The following GPC6 variants were observed in gnomAD, a reference collection of about 807,000 sequenced individuals.
GPC6 encodes glypican 6.
Under a neutral mutation model 55.2 loss-of-function variants are expected in GPC6, and 14 were observed. That is an observed-to-expected ratio of 0.25 (90% CI 0.17 to 0.40). The LOEUF is 0.40. Ranked by LOEUF, GPC6 falls within the 10% of genes least tolerant of loss-of-function variation. The pLI, the probability that GPC6 is intolerant of heterozygous loss-of-function variation, is 1.00. For missense variants in GPC6, 641 were observed against 708.5 expected (o/e 0.90, Z 1.08); for synonymous variants, 278 against 259.6 (o/e 1.07, Z -0.68).
At chr13:93,794,441 C>T (rs1429142293) in intron 2 of GPC6, among the ~76,000 whole-genome samples, 1 of 152,220 alleles carries the variant, frequency 6.6e-6, no homozygotes, top group African/African-American at 2.4e-5. Context: ...ATCACACTTC[C>T]TGAACAGTGC....
At chr13:94,031,069 C>T (rs896867860) in intron 4 of GPC6, among the ~76,000 whole-genome samples, 10 of 145,960 alleles carry the variant, frequency 6.9e-5, no homozygotes, top group Admixed American at 1.4e-4. Context: ...TGTGCATGTG[C>T]GTGTGCGTGT....
intron 2 of GPC6, among the ~76,000 whole-genome samples, chr13:93,625,283 A>C (rs1297392379): frequency 6.6e-6 from 1 of 152,144 alleles, no homozygotes; most frequent in African/African-American, 2.4e-5. Flanking sequence ...TTTCCATAAA[A>C]GAGTGGAAAT....
chr13:93,842,758 T>C (rs1247116972), intron 3 of GPC6, among the ~76,000 whole-genome samples: 1 of 152,058 alleles, frequency 6.6e-6, no homozygotes, highest in East Asian at 1.9e-4. Context: ...TTTTTGTTGG[T>C]GGTAAGAAAA....
At chr13:94,028,770 T>C (rs1002602886) in intron 4 of GPC6, among the ~76,000 whole-genome samples, 1 of 152,168 alleles carries the variant, frequency 6.6e-6, no homozygotes, top group Non-Finnish European at 1.5e-5. Context: ...ATCAAGGCTC[T>C]GTTCTTGGGT....
chr13:93,393,880 T>C (rs1875746796), intron 1 of GPC6, among the ~76,000 whole-genome samples: 1 of 151,828 alleles, frequency 6.6e-6, no homozygotes. Context: ...TTTTTTTTTC[T>C]TATTCCTTCC....
chr13:94,355,965 T>G (rs551366932), intron 6 of GPC6, among the ~76,000 whole-genome samples: 14 of 152,240 alleles, frequency 9.2e-5, no homozygotes, highest in Non-Finnish European at 1.5e-4. Flanking sequence ...CAGTGTGTAT[T>G]GTTCCCCTCC....
At chr13:94,068,873 C>G (rs1884629420) in intron 4 of GPC6, among the ~76,000 whole-genome samples, 1 of 152,166 alleles carries the variant, frequency 6.6e-6, no homozygotes, top group Admixed American at 6.5e-5. Context: ...CCTCCTGGCT[C>G]CCTTCACGGG....
chr13:93,228,633 T>G (rs902283930), intron 1 of GPC6, among the ~76,000 whole-genome samples: 1 of 152,104 alleles, frequency 6.6e-6, no homozygotes, highest in African/African-American at 2.4e-5. Context: ...CGGGGAGAGA[T>G]AATCCTTTGG....
At chr13:93,272,490 GTGTATATATATATATA>G (rs1219219272) in intron 1 of GPC6, among the ~76,000 whole-genome samples, 1 of 95,436 alleles carries the variant, frequency 1.0e-5, no homozygotes, top group Non-Finnish European at 2.1e-5. Context: ...CATTGTCTGT[GTGTATATATATATATA>G]TATATATATA....
intron 2 of GPC6, among the ~76,000 whole-genome samples, chr13:93,715,384 C>T (rs183592341): frequency 9.9e-5 from 15 of 151,666 alleles, no homozygotes; most frequent in African/African-American, 3.4e-4. Flanking sequence ...CCAATATTCT[C>T]ACTTGTTAGT....
chr13:94,088,174 G>A (rs1885355733), intron 4 of GPC6, among the ~76,000 whole-genome samples: 3 of 152,060 alleles, frequency 2.0e-5, no homozygotes, highest in Admixed American at 2.0e-4. Context: ...AGGAGCTCTA[G>A]TTCAATATTC....
chr13:93,485,681 C>T (rs1184774708), intron 1 of GPC6, among the ~76,000 whole-genome samples: 2 of 152,122 alleles, frequency 1.3e-5, no homozygotes, highest in Non-Finnish European at 2.9e-5. Flanking sequence ...GTACAATCCA[C>T]CAGGTGGACA....
chr13:93,530,750 T>G (rs1315895535), intron 1 of GPC6, among the ~76,000 whole-genome samples: 1 of 152,168 alleles, frequency 6.6e-6, no homozygotes, highest in African/African-American at 2.4e-5. Context: ...TTTCTAATTA[T>G]TTTATTAATA....
At chr13:94,230,800 G>A (rs1890699416) in intron 4 of GPC6, among the ~76,000 whole-genome samples, 1 of 152,118 alleles carries the variant, frequency 6.6e-6, no homozygotes, top group Non-Finnish European at 1.5e-5. Context: ...ACCATTATTG[G>A]AGATGACAGT....
At chr13:94,213,039 C>A (rs1263462062) in intron 4 of GPC6, among the ~76,000 whole-genome samples, 3 of 152,050 alleles carry the variant, frequency 2.0e-5, no homozygotes, top group Non-Finnish European at 2.9e-5. Flanking sequence ...GCCTGTAATC[C>A]CAGCTACCTG....
intron 6 of GPC6, among the ~76,000 whole-genome samples, chr13:94,307,181 T>C (rs1381458299): frequency 2.6e-5 from 4 of 152,246 alleles, no homozygotes; most frequent in African/African-American, 9.6e-5. Context: ...GGCCTATCCA[T>C]GAAGTATCAA....
At chr13:93,505,431 G>GCACA (rs553520936) in intron 1 of GPC6, among the ~76,000 whole-genome samples, 179 of 109,910 alleles carry the variant, frequency 1.6e-3, no homozygotes, top group Non-Finnish European at 2.6e-3. Flanking sequence ...TCACACACGT[G>GCACA]CACACACACA....
chr13:93,467,872 T>G (rs937506073), intron 1 of GPC6, among the ~76,000 whole-genome samples: 2 of 152,128 alleles, frequency 1.3e-5, no homozygotes, highest in African/African-American at 4.8e-5. Context: ...ATTACAGGTG[T>G]GAGCCACTGT....
chr13:93,341,941 G>A (rs1880272356), intron 1 of GPC6, among the ~76,000 whole-genome samples: 1 of 148,894 alleles, frequency 6.7e-6, no homozygotes, highest in Admixed American at 6.7e-5. Flanking sequence ...TTTTAAGATG[G>A]AGTCTCACTC....
Sources: gnomAD v4.1 joint callset for allele counts (sites outside exome capture counted in the v4.1 genomes callset) on GRCh38, gnomAD v4.1.1 for gene constraint, MANE v1.5 for transcripts, NCBI Gene and HGNC (gene_info 2026-07-23, HGNC 2026-07-21) for gene names.